Variants in GLRA3 observed in about 807,000 individuals in gnomAD.
GLRA3 encodes the protein glycine receptor subunit alpha-3.
In GLRA3, 44 loss-of-function variants were observed where a neutral mutation model predicts 60.4. That is an observed-to-expected ratio of 0.73 (90% CI 0.57 to 0.94). The LOEUF (loss-of-function observed/expected upper bound fraction) is 0.94. GLRA3 is among the 40% of genes least tolerant of loss of function. The probability of loss-of-function intolerance (pLI) is 0.00; values close to 1 mark genes in which losing one functional copy is unlikely to be tolerated. For missense variants in GLRA3, 508 were observed against 564.6 expected (o/e 0.90, Z 1.02); for synonymous variants, 223 against 192.9 (o/e 1.16, Z -1.29).
intron 5 of GLRA3, among the ~76,000 whole-genome samples, chr4:174,693,754 TA>T (rs1362320852): frequency 4.6e-5 from 7 of 152,160 alleles, no homozygotes; most frequent in African/African-American, 1.7e-4. Context: ...ACCTTAAATG[TA>T]AATGGGATAA....
intron 1 of GLRA3, among the ~76,000 whole-genome samples, chr4:174,789,406 T>C (rs1387574649): frequency 3.9e-5 from 6 of 152,226 alleles, no homozygotes; most frequent in Admixed American, 2.6e-4. Flanking sequence ...GTCTAATAAA[T>C]TAAACAATGT....
In GLRA3 at chr4:174,776,619, C is replaced by A. The variant is rs565613736; in HGVS notation, c.200-9589G>T. On this transcript the variant is annotated intron_variant, in intron 2 of 9. Transcript: ENST00000274093. ...AAGCAATCAAACAAATTAGAACAGACAATCAACAGAAATAACCAATTTTTT... is the reference window on the plus strand; with the variant it reads ...AAGCAATCAAACAAATTAGAACAGAAAATCAACAGAAATAACCAATTTTTT... 2.7e-4 allele frequency among the ~76,000 whole-genome samples: 41 copies of A among 152,094 alleles called. No individual in the cohort carries two copies. In the South Asian group the frequency reaches 8.1e-3, roughly 30 times the overall value.
intron 1 of GLRA3, among the ~76,000 whole-genome samples, chr4:174,806,046 G>C (rs1297092528): frequency 6.6e-6 from 1 of 152,036 alleles, no homozygotes; most frequent in Non-Finnish European, 1.5e-5. Flanking sequence ...GAAAAGATCA[G>C]GTGAAAGGTA....
chr4:174,781,419 G>A (rs1333354669), intron 2 of GLRA3, among the ~76,000 whole-genome samples: 1 of 145,744 alleles, frequency 6.9e-6, no homozygotes, highest in Admixed American at 6.9e-5. Flanking sequence ...AAAAGCAAGA[G>A]CAAACACATT....
intron 3 of GLRA3, among the ~76,000 whole-genome samples, chr4:174,755,785 G>T (rs1164986556): frequency 1.3e-5 from 2 of 151,972 alleles, no homozygotes; most frequent in Non-Finnish European, 2.9e-5. Flanking sequence ...AAGAACAAAT[G>T]AAGAGACAAA....
intron 2 of GLRA3, among the ~76,000 whole-genome samples, chr4:174,786,748 A>C (rs977201242): frequency 6.6e-6 from 1 of 152,168 alleles, no homozygotes; most frequent in African/African-American, 2.4e-5. Context: ...CCATTAAATT[A>C]TTACTTTTTA....
intron 1 of GLRA3, among the ~76,000 whole-genome samples, chr4:174,810,436 AAT>A (rs910919622): frequency 2.6e-5 from 4 of 151,246 alleles, no homozygotes; most frequent in African/African-American, 7.3e-5. Flanking sequence ...ATTTTTCTTA[AAT>A]ATATATATAT....
At chr4:174,790,825 CA>C (rs751090125) in intron 1 of GLRA3, among the ~76,000 whole-genome samples, 2,397 of 65,118 alleles carry the variant, frequency 0.037, 27 homozygotes, top group Middle Eastern at 0.12. Context: ...CTAAAAAATA[CA>C]AAAAAAAAAA....
At chr4:174,778,211 G>T (rs1738686477) in intron 2 of GLRA3, among the ~76,000 whole-genome samples, 1 of 152,116 alleles carries the variant, frequency 6.6e-6, no homozygotes, top group Non-Finnish European at 1.5e-5. Flanking sequence ...CACTGGGCCG[G>T]TTCTGTTTCT....
intron 3 of GLRA3, among the ~76,000 whole-genome samples, chr4:174,734,652 T>G (rs1561085144): frequency 6.6e-6 from 1 of 152,202 alleles, no homozygotes; most frequent in Admixed American, 6.5e-5. Context: ...TCTGGAAACA[T>G]GCAATTAAGA....
chr4:174,828,025 G>C (rs969544489), intron 1 of GLRA3, among the ~76,000 whole-genome samples: 5 of 152,014 alleles, frequency 3.3e-5, no homozygotes, highest in Non-Finnish European at 7.4e-5. Context: ...CTGATCCTTT[G>C]TCTAGCTCTC....
At chr4:174,809,798 GAGGT>G (rs1163306721) in intron 1 of GLRA3, among the ~76,000 whole-genome samples, 1 of 152,040 alleles carries the variant, frequency 6.6e-6, no homozygotes, top group Non-Finnish European at 1.5e-5. Context: ...CAGTATAAGG[GAGGT>G]AGGACTAAAG....
At chr4:174,716,194 G>T (rs540259332) in intron 4 of GLRA3, among the ~76,000 whole-genome samples, 1 of 152,212 alleles carries the variant, frequency 6.6e-6, no homozygotes, top group East Asian at 1.9e-4. Context: ...GAAAAGTTCG[G>T]CCTCATGTTC....
At chr4:174,717,002 A>G (rs562761396) in intron 4 of GLRA3, among the ~76,000 whole-genome samples, 1 of 151,848 alleles carries the variant, frequency 6.6e-6, no homozygotes, top group South Asian at 2.1e-4. Flanking sequence ...GTAGTTTGTG[A>G]TCATCCTGGG....
At chr4:174,796,530 C>T (rs1463864107) in intron 1 of GLRA3, among the ~76,000 whole-genome samples, 1 of 151,766 alleles carries the variant, frequency 6.6e-6, no homozygotes, top group Non-Finnish European at 1.5e-5. Flanking sequence ...CATAGTCTAT[C>T]CCTTTCTTTC....
chr4:174,659,004 T>C, intron 8 of GLRA3, 50 bp downstream of exon 8: 1 of 1,510,450 alleles, frequency 6.6e-7, no homozygotes. Flanking sequence ...ACAAATTCAC[T>C]TTCGAGTGAA....
intron 1 of GLRA3, among the ~76,000 whole-genome samples, chr4:174,797,120 T>C (rs1379170734): frequency 1.3e-5 from 2 of 152,128 alleles, no homozygotes; most frequent in African/African-American, 4.8e-5. Flanking sequence ...TTTTTTTAAG[T>C]TTTTTAAAAC....
intron 5 of GLRA3, among the ~76,000 whole-genome samples, chr4:174,689,009 A>G (rs1734675352): frequency 6.6e-6 from 1 of 152,184 alleles, no homozygotes; most frequent in Admixed American, 6.5e-5. Context: ...TAAGTTTCCC[A>G]CAAGCAGAGG....
At chr4:174,681,439 G>C (rs929376547) in intron 6 of GLRA3, among the ~76,000 whole-genome samples, 8 of 152,006 alleles carry the variant, frequency 5.3e-5, no homozygotes, top group African/African-American at 1.9e-4. Flanking sequence ...GATAAGAGGG[G>C]GTCCCAAATC....
Sources: gnomAD v4.1 joint callset for allele counts (sites outside exome capture counted in the v4.1 genomes callset) on GRCh38, gnomAD v4.1.1 for gene constraint, MANE v1.5 for transcripts, NCBI Gene and HGNC (gene_info 2026-07-23, HGNC 2026-07-21) for gene names.